Variants in AHCTF1 observed in about 807,000 individuals in gnomAD.
The protein encoded by AHCTF1 is protein ELYS.
In AHCTF1, 24 loss-of-function variants were observed where a neutral mutation model predicts 248.4. The observed-to-expected ratio is 0.10, with a 90% CI of 0.07 to 0.14. The LOEUF (loss-of-function observed/expected upper bound fraction) is 0.14, where lower values mean the gene tolerates loss of function less well. Ranked by LOEUF, AHCTF1 falls within the 10% of genes least tolerant of loss-of-function variation. The pLI, the probability that AHCTF1 is intolerant of heterozygous loss-of-function variation, is 1.00. For missense variants in AHCTF1, 2,206 were observed against 2,636.2 expected, an observed-to-expected ratio of 0.84 and a Z score of 3.57; for synonymous variants, 786 against 929.8, an observed-to-expected ratio of 0.85 and a Z score of 2.81.
intron 21 of AHCTF1, among the ~76,000 whole-genome samples, chr1:246,879,728 T>C (rs746600292): frequency 6.6e-5 from 10 of 151,884 alleles, no homozygotes; most frequent in Non-Finnish European, 1.3e-4. Flanking sequence ...CTTGCGAGAC[T>C]GAGGCAGGAA....
rs763028950 is a variant in AHCTF1 at position 246,849,782 on chromosome 1, T to C, written c.6224A>G (p.Lys2075Arg). ...SEERTDEMTHKETNEQEERLL... is the reference protein window; with the variant it reads ...SEERTDEMTHRETNEQEERLL... ...TCTTTCTTCCTGCTCATTTGTTTCT[T>C]TATGTGTCATTTCATCTGTGCGTTC... The change falls in exon 33 of 36, where the codon AAA (lysine) becomes AGA (arginine). Residue 2075 changes from lysine (K) to arginine (R), a missense_variant. Lys to Arg is a conservative substitution (Grantham distance 26). Transcript: ENST00000648844. 3.1e-6 allele frequency: 5 copies of C among 1,613,986 alleles called. No homozygotes were observed. The South Asian group carries it at 3.3e-5, about 11-fold the overall frequency.
intron 33 of AHCTF1, among the ~76,000 whole-genome samples, chr1:246,845,293 T>G (rs919784429): frequency 6.6e-6 from 1 of 150,598 alleles, no homozygotes; most frequent in African/African-American, 2.5e-5. Context: ...TTTCTGTGGG[T>G]ACACAGTAGG....
At chr1:246,875,708 G>A (rs539008709) in intron 24 of AHCTF1, among the ~76,000 whole-genome samples, 4 of 152,288 alleles carry the variant, frequency 2.6e-5, no homozygotes, top group African/African-American at 7.2e-5. Flanking sequence ...AAAGGATTAC[G>A]ACTCACAGAA....
rs934518604 is a variant in AHCTF1 at position 246,913,093 on chromosome 1, A to AT, written c.556+138dup. On this transcript the variant is annotated intron_variant, in intron 4 of 35. Coordinates refer to ENST00000648844, the MANE Select transcript of AHCTF1 (RefSeq NM_001323342.2). ...TCCAGACAATAAAAAAGATTTTAAA[A>AT]TACCTTTTTTTTTTTTATAGATAGG... 2.6e-5 allele frequency: 19 copies of AT among 722,410 alleles called. No homozygotes were observed. The African/African-American group carries it at 3.2e-4, about 12-fold the overall frequency. 44.8% of individuals were successfully genotyped at this position (722,410 alleles called of 1,614,324 possible).
intron 12 of AHCTF1, 122 bp from the exon 13 acceptor site, chr1:246,896,047 G>A: frequency 1.5e-6 from 1 of 663,204 alleles, no homozygotes; most frequent in Non-Finnish European, 2.6e-6. Flanking sequence ...CCATAAGAAG[G>A]GCTATAATCA....
chr1:246,908,087 T>C (rs1397420007), intron 4 of AHCTF1, among the ~76,000 whole-genome samples: 1 of 152,146 alleles, frequency 6.6e-6, no homozygotes, highest in Non-Finnish European at 1.5e-5. Context: ...TTAGAACTAC[T>C]ACCTAAATAC....
At chr1:246,891,212 T>G in intron 15 of AHCTF1, 152 bp from the exon 16 acceptor site, 2 of 485,184 alleles carry the variant, frequency 4.1e-6, no homozygotes, top group Non-Finnish European at 7.2e-6. Flanking sequence ...TCTCTTGAAC[T>G]AATTCATCTT....
rs544433668 is a variant in AHCTF1, at chr1:246,922,910, G to A, written c.-7-4533C>T. On this transcript the variant is annotated intron_variant, in intron 1 of 35. Transcript: ENST00000648844. ...AGGCAGGAGAATGGCATGAACCCAG[G>A]AGGCGGAGTTTGCAGTGAGCCGAGA... 2.3e-3 allele frequency among the ~76,000 whole-genome samples: 340 copies of A among 149,388 alleles called. 4 individuals carry two copies. The highest frequency in any genetic ancestry group is 8.0e-3 in the South Asian group (38 of 4,740).
At chr1:246,845,929 GC>G (rs1378608584) in intron 33 of AHCTF1, among the ~76,000 whole-genome samples, 1 of 151,456 alleles carries the variant, frequency 6.6e-6, no homozygotes, top group Non-Finnish European at 1.5e-5. Context: ...GCTCTTACCA[GC>G]CAGTAGTAGC....
At position 246,888,290 on chromosome 1, in the gene AHCTF1, A is replaced by G. The variant is rs1482895462; in HGVS notation, c.2269-57T>C. On this transcript the variant is annotated intron_variant, in intron 18 of 35. Transcript: ENST00000648844. ...ATCTTATACAGTCATTCATTCATTC[A>G]TGCTTCTTGTTTTCCCAAGTTTGTG... The G allele has an allele frequency of 9.9e-6, 16 of 1,612,162 alleles. 1 individual carries two copies. In the East Asian group the frequency reaches 3.3e-4, roughly 34 times the overall value.
intron 5 of AHCTF1, among the ~76,000 whole-genome samples, chr1:246,907,269 A>C (rs976696381): frequency 6.6e-6 from 1 of 152,224 alleles, no homozygotes; most frequent in Non-Finnish European, 1.5e-5. Flanking sequence ...AAACGTTGTA[A>C]AGTTACAAAG....
intron 12 of AHCTF1, among the ~76,000 whole-genome samples, chr1:246,896,949 C>T (rs1355065888): frequency 6.6e-6 from 1 of 152,098 alleles, no homozygotes; most frequent in Admixed American, 6.6e-5. Context: ...ATACCAGGGA[C>T]AAAACAGAAA....
Position 246,850,092 on chromosome 1 carries a change from T to C in AHCTF1, c.5914A>G (p.Arg1972Gly). The C allele has an allele frequency of 1.2e-6, 2 of 1,613,988 alleles. No homozygotes were observed. Among genetic ancestry groups the C allele is most frequent in the Non-Finnish European group, 1.7e-6 (2 of 1,179,870 alleles). The part of the protein sequence containing the change: ...QAEFDMSAIP[R>G]KRGRPRKINP... ...ATTTTTCTTGGTCTACCACGTTTTC[T>C]AGGTATGGCAGACATATCAAATTCT... The change falls in exon 33 of 36, where the codon AGA (arginine) becomes GGA (glycine). Residue 1972 changes from arginine to glycine, a missense_variant. Transcript: ENST00000648844.
At chr1:246,868,343 A>T (rs772523398) in intron 24 of AHCTF1, among the ~76,000 whole-genome samples, 1 of 145,104 alleles carries the variant, frequency 6.9e-6, no homozygotes, top group African/African-American at 2.8e-5. Flanking sequence ...CTGGTCTTGA[A>T]CTCCTGACCT....
At chr1:246,929,965 T>C (rs1252140993) in intron 1 of AHCTF1, among the ~76,000 whole-genome samples, 1 of 151,690 alleles carries the variant, frequency 6.6e-6, no homozygotes, top group Non-Finnish European at 1.5e-5. Context: ...GGCAGGAGAA[T>C]CGCTTGAACC....
intron 1 of AHCTF1, chr1:246,931,293 C>G: frequency 6.5e-7 from 1 of 1,547,930 alleles, no homozygotes. Flanking sequence ...ACTGCCGGCG[C>G]AGGACGCGAA....
chr1:246,860,343 G>C lies in AHCTF1; in HGVS notation c.4132+556C>G, dbSNP rs142432026. 4.6e-5 allele frequency among the ~76,000 whole-genome samples: 7 copies of C among 152,316 alleles called. No homozygotes were observed. In the East Asian group the frequency reaches 1.3e-3, roughly 29 times the overall value. On this transcript the variant is annotated intron_variant, in intron 29 of 35. Coordinates refer to ENST00000648844, the MANE Select transcript of AHCTF1 (RefSeq NM_001323342.2). ...TCATAGCTACTGGAAGGACTTTCAA[G>C]TCAGACTATGGCATCTTACATTTCT...
chr1:246,888,365 T>G, intron 18 of AHCTF1, 29 bp downstream of exon 18: 1 of 1,612,914 alleles, frequency 6.2e-7, no homozygotes. Flanking sequence ...TTGTAGACTC[T>G]AAATGATAGC....
chr1:246,901,857 A>G (rs1665025188), intron 8 of AHCTF1, among the ~76,000 whole-genome samples: 1 of 152,172 alleles, frequency 6.6e-6, no homozygotes, highest in African/African-American at 2.4e-5. Context: ...AAAACTTTAA[A>G]AAGACGTGAG....
Sources: allele counts gnomAD v4.1 joint callset (sites outside exome capture counted in the v4.1 genomes callset), GRCh38; gene constraint gnomAD v4.1.1; transcripts MANE v1.5; gene names NCBI Gene and HGNC (gene_info 2026-07-23, HGNC 2026-07-21).